BAIAP2: variants seen among roughly 807,000 people sequenced by gnomAD.
The protein encoded by BAIAP2 is BAR/IMD domain containing adaptor protein 2, also known as BAR/IMD domain-containing adapter protein 2.
In BAIAP2, 18 loss-of-function variants were observed where a neutral mutation model predicts 63.0. That is an observed-to-expected ratio of 0.29 (90% confidence interval 0.20 to 0.42). BAIAP2 has a LOEUF of 0.42. Among genes scored for constraint, BAIAP2 ranks in the 10% least tolerant of loss-of-function variants. The pLI is 1.00. For missense variants in BAIAP2, 610 were observed against 734.3 expected (o/e 0.83, Z 1.96); for synonymous variants, 386 against 307.6 (o/e 1.25, Z -2.67).
Position 81,103,543 on chromosome 17 carries a change from G to A in BAIAP2, c.684G>A (p.Gln228=), listed in dbSNP as rs749861902. The A allele has an allele frequency of 4.4e-6, 7 of 1,596,046 alleles. No homozygotes were observed. In the African/African-American group the frequency reaches 6.7e-5, roughly 15 times the overall value. ...CGCAGAAGCTGCCGCTGTGGCAACAGGCCTGTGCCGACCCCAGCAAGATCC... is the reference window on the plus strand; with the variant it reads ...CGCAGAAGCTGCCGCTGTGGCAACAAGCCTGTGCCGACCCCAGCAAGATCC... The part of the protein sequence containing the change: ...LLAQKLPLWQ[Q]ACADPSKIPE... Residue 228 remains glutamine, a synonymous_variant, in exon 8 of 14, where the codon CAG becomes CAA. Transcript: ENST00000428708.
At chr17:81,059,037 G>A (rs955587611) in intron 3 of BAIAP2, among the ~76,000 whole-genome samples, 4 of 152,136 alleles carry the variant, frequency 2.6e-5, no homozygotes, top group Non-Finnish European at 4.4e-5. Flanking sequence ...TCCAGGCCCC[G>A]TTCTCTCCAG....
chr17:81,039,040 G>T (rs1199936426), intron 1 of BAIAP2, among the ~76,000 whole-genome samples: 1 of 152,250 alleles, frequency 6.6e-6, no homozygotes, highest in African/African-American at 2.4e-5. Context: ...ACTTCCTGGG[G>T]TGGCCCCCAT....
chr17:81,044,182 C>A (rs762543785), intron 1 of BAIAP2, among the ~76,000 whole-genome samples: 18 of 152,248 alleles, frequency 1.2e-4, no homozygotes, highest in Non-Finnish European at 4.4e-5. Flanking sequence ...TGCCTCCCTG[C>A]TTGCTCAGCC....
intron 6 of BAIAP2, chr17:81,087,048 C>T (rs9891901): frequency 0.019 from 3,238 of 166,252 alleles, 121 homozygotes; most frequent in African/African-American, 0.074. Flanking sequence ...TGGGCTGGGA[C>T]GTAGGAAGGC....
intron 3 of BAIAP2, among the ~76,000 whole-genome samples, chr17:81,062,059 C>T (rs959553974): frequency 1.3e-5 from 2 of 152,158 alleles, no homozygotes; most frequent in Admixed American, 6.5e-5. Context: ...TCTCCTGCCT[C>T]AGCCTCCCAA....
chr17:81,050,328 G>A (rs887211661), intron 1 of BAIAP2, among the ~76,000 whole-genome samples: 8 of 152,234 alleles, frequency 5.3e-5, no homozygotes, highest in Admixed American at 3.3e-4. Flanking sequence ...TGGAGGCAGG[G>A]CCGTGCCCAG....
intron 12 of BAIAP2, 59 bp downstream of exon 12, chr17:81,106,966 G>T: frequency 1.4e-6 from 2 of 1,455,494 alleles, no homozygotes; most frequent in Non-Finnish European, 9.1e-7. Context: ...GGCTCAGCCT[G>T]CAGTCCCCCG....
Position 81,114,661 on chromosome 17 carries a change from C to G in BAIAP2, c.1536-1109C>G, listed in dbSNP as rs115203937. Among the ~76,000 whole-genome samples the G allele has an allele frequency of 3.8e-3, 585 of 152,316 alleles. 4 individuals carry two copies. The highest frequency in any genetic ancestry group is 0.013 in the African/African-American group (561 of 41,576). ...CTTAAAAACTCAGTCTGTAGTGTTT[C>G]AAGTTCTTAGAAAACACAAAGTCCT... On this transcript the variant is annotated intron_variant, in intron 13 of 13. Transcript: ENST00000428708.
intron 10 of BAIAP2, 57 bp from the exon 11 acceptor site, chr17:81,106,021 T>A: frequency 6.8e-7 from 1 of 1,479,544 alleles, no homozygotes; most frequent in Non-Finnish European, 9.2e-7. Context: ...TGGTGGTCGG[T>A]GGGGGATGGG....
chr17:81,081,004 G>A (rs551512581), intron 3 of BAIAP2, among the ~76,000 whole-genome samples: 6 of 152,348 alleles, frequency 3.9e-5, no homozygotes, highest in East Asian at 3.9e-4. Flanking sequence ...TGGACACTCC[G>A]GGGCTGAGGG....
intron 1 of BAIAP2, among the ~76,000 whole-genome samples, chr17:81,041,939 A>AGAAGTC (rs2143570712): frequency 6.6e-6 from 1 of 152,268 alleles, no homozygotes; most frequent in Admixed American, 6.5e-5. Flanking sequence ...GGGTTTTCTT[A>AGAAGTC]AAACTTATTT....
intron 3 of BAIAP2, among the ~76,000 whole-genome samples, chr17:81,078,477 G>A (rs1252588210): frequency 1.2e-4 from 17 of 137,112 alleles, no homozygotes; most frequent in Admixed American, 7.2e-5. Context: ...GGTGGGAGCC[G>A]GGCGCTGTGG....
chr17:81,106,922 C>A lies in BAIAP2; in HGVS notation c.1500+15C>A. 6.7e-7 allele frequency: 1 copy of A among 1,498,114 alleles called. No individual in the cohort carries two copies. The highest frequency in any genetic ancestry group is 2.2e-5 in the Admixed American group (1 of 44,774). The allele number at this position is 1,498,114 out of a possible 1,614,324, so 92.8% of individuals were successfully genotyped here. A position where few individuals can be genotyped will look rare whatever the true frequency, so the allele number is the denominator to read the frequency against. On this transcript the variant is annotated intron_variant, in intron 12 of 13. Coordinates refer to ENST00000428708, the MANE Select transcript of BAIAP2 (RefSeq NM_001144888.2). ...CCTTCTCCCAGGTCAGTGGGCGGGG[C>A]CGGGGCTGGGAGGGGCCCGCAGGTG...
chr17:81,052,070 A>G (rs1316661999), intron 1 of BAIAP2, among the ~76,000 whole-genome samples: 1 of 152,146 alleles, frequency 6.6e-6, no homozygotes. Flanking sequence ...CTCAGGGGCT[A>G]TCCCATTAGC....
chr17:81,038,896 T>TGGG (rs780200000), intron 1 of BAIAP2, among the ~76,000 whole-genome samples: 2 of 23,708 alleles, frequency 8.4e-5, no homozygotes, highest in African/African-American at 3.9e-4. Context: ...GTCGCCTTCC[T>TGGG]GGGTGGGGGG....
chr17:81,090,637 G>C (rs2056562552), intron 6 of BAIAP2, among the ~76,000 whole-genome samples: 1 of 152,372 alleles, frequency 6.6e-6, no homozygotes, highest in Middle Eastern at 3.4e-3. Flanking sequence ...CCAGTGGCCT[G>C]GAAGCCCAGG....
At chr17:81,114,495 G>A (rs1337518545) in intron 13 of BAIAP2, among the ~76,000 whole-genome samples, 1 of 152,162 alleles carries the variant, frequency 6.6e-6, no homozygotes, top group Admixed American at 6.5e-5. Flanking sequence ...GAAAAAAGCC[G>A]GGGATCCAGC....
chr17:81,093,939 C>T (rs917656887), intron 6 of BAIAP2, among the ~76,000 whole-genome samples: 1 of 151,360 alleles, frequency 6.6e-6, no homozygotes, highest in Non-Finnish European at 1.5e-5. Flanking sequence ...CCCCTCCCCC[C>T]CACCACCCCC....
chr17:81,078,410 G>A (rs1279655593), intron 3 of BAIAP2, among the ~76,000 whole-genome samples: 12 of 130,488 alleles, frequency 9.2e-5, no homozygotes, highest in East Asian at 7.2e-4. Context: ...GGAGCCGGGC[G>A]CTGTGGGTGC....
Sources: allele counts gnomAD v4.1 joint callset (sites outside exome capture counted in the v4.1 genomes callset), GRCh38; gene constraint gnomAD v4.1.1; transcripts MANE v1.5; gene names NCBI Gene and HGNC (gene_info 2026-07-23, HGNC 2026-07-21).